The following SYN3 variants were observed in gnomAD, a reference collection of about 807,000 sequenced individuals.
SYN3 encodes the protein synapsin III.
In SYN3, 35 loss-of-function variants were observed where a neutral mutation model predicts 65.8. That is an observed-to-expected ratio of 0.53 (90% CI 0.41 to 0.70). The LOEUF (loss-of-function observed/expected upper bound fraction) is 0.70. Ranked by LOEUF, SYN3 falls within the 30% of genes least tolerant of loss-of-function variation. The pLI, the probability that SYN3 is intolerant of heterozygous loss-of-function variation, is 0.00. For missense variants in SYN3, 680 were observed against 749.0 expected (o/e 0.91, Z 1.08); for synonymous variants, 270 against 292.9 (o/e 0.92, Z 0.80).
intron 1 of SYN3, among the ~76,000 whole-genome samples, chr22:33,048,891 C>T (rs531818726): frequency 1.3e-5 from 2 of 152,288 alleles, no homozygotes; most frequent in African/African-American, 4.8e-5. Flanking sequence ...ATTCCCTCTC[C>T]TTCACCCCAT....
intron 6 of SYN3, among the ~76,000 whole-genome samples, chr22:32,650,229 C>T (rs368848231): frequency 0.02 from 2,441 of 122,198 alleles, 158 homozygotes; most frequent in African/African-American, 0.071. Flanking sequence ...CTCTCTCTCT[C>T]TCTCCCTCCC....
intron 6 of SYN3, among the ~76,000 whole-genome samples, chr22:32,741,347 AT>A (rs71187210): frequency 0.028 from 2,753 of 98,654 alleles, 34 homozygotes; most frequent in African/African-American, 0.092. Flanking sequence ...CTAGAGCCCA[AT>A]TTTTTTTTTT....
intron 6 of SYN3, among the ~76,000 whole-genome samples, chr22:32,652,947 A>G (rs1472926775): frequency 6.6e-6 from 1 of 152,232 alleles, no homozygotes; most frequent in African/African-American, 2.4e-5. Context: ...GTCAATAAGA[A>G]TTTAATGTTC....
chr22:32,842,932 TC>T (rs1980649869), intron 6 of SYN3, among the ~76,000 whole-genome samples: 1 of 152,188 alleles, frequency 6.6e-6, no homozygotes, highest in South Asian at 2.1e-4. Flanking sequence ...TGGGAGCTTA[TC>T]AAGGGTCCTT....
chr22:32,524,661 C>T (rs130448), intron 12 of SYN3, among the ~76,000 whole-genome samples: 93,258 of 152,098 alleles, frequency 0.61, 29,032 homozygotes, highest in East Asian at 0.8. Flanking sequence ...ATACATATCA[C>T]GTCTTTTAGT....
At chr22:32,731,858 C>T (rs535651579) in intron 6 of SYN3, among the ~76,000 whole-genome samples, 1 of 152,268 alleles carries the variant, frequency 6.6e-6, no homozygotes, top group Admixed American at 6.5e-5. Context: ...GCTCTGAAAG[C>T]AGGCCACCTA....
chr22:32,937,607 G>C (rs2050808578), intron 3 of SYN3, among the ~76,000 whole-genome samples: 2 of 152,140 alleles, frequency 1.3e-5, no homozygotes, highest in Non-Finnish European at 2.9e-5. Flanking sequence ...GATTTTGTGA[G>C]AACTCTATAA....
chr22:33,039,489 C>T (rs909444333), intron 1 of SYN3, among the ~76,000 whole-genome samples: 6 of 151,482 alleles, frequency 4.0e-5, no homozygotes, highest in Non-Finnish European at 7.4e-5. Flanking sequence ...GATTCTCCTG[C>T]ATTCAAGCGA....
chr22:32,929,745 G>C (rs988338521), intron 4 of SYN3, among the ~76,000 whole-genome samples: 8 of 152,172 alleles, frequency 5.3e-5, no homozygotes, highest in Admixed American at 2.6e-4. Flanking sequence ...TTGTGGAGAG[G>C]GTCTACTGTT....
intron 6 of SYN3, among the ~76,000 whole-genome samples, chr22:32,654,561 T>A (rs1259618844): frequency 6.6e-6 from 1 of 152,110 alleles, no homozygotes; most frequent in Non-Finnish European, 1.5e-5. Context: ...CCTGGCTGGG[T>A]CACTCTTGGA....
chr22:32,542,632 G>A (rs563253702), intron 7 of SYN3, among the ~76,000 whole-genome samples: 38 of 84,738 alleles, frequency 4.5e-4, no homozygotes, highest in African/African-American at 1.3e-3. Context: ...TTGTGTGTAT[G>A]TGTGTGTGTG....
intron 6 of SYN3, among the ~76,000 whole-genome samples, chr22:32,637,473 CT>C (rs759264100): frequency 6.7e-4 from 102 of 152,072 alleles, no homozygotes; most frequent in Non-Finnish European, 1.1e-3. Flanking sequence ...TTGTTGTTTG[CT>C]TTTCTTTTTC....
At chr22:32,897,790 G>A (rs1468353154) in intron 4 of SYN3, among the ~76,000 whole-genome samples, 1 of 152,144 alleles carries the variant, frequency 6.6e-6, no homozygotes, top group East Asian at 1.9e-4. Flanking sequence ...TATTTTATTT[G>A]TTTTGTGATT....
intron 3 of SYN3, among the ~76,000 whole-genome samples, chr22:32,977,923 G>A (rs188414053): frequency 2.6e-5 from 4 of 152,058 alleles, no homozygotes; most frequent in African/African-American, 4.8e-5. Context: ...CATGCAAATC[G>A]TCCCACTCAA....
chr22:32,840,620 G>A lies in SYN3; in HGVS notation c.711+24295C>T, dbSNP rs535217856. ...CGGCTGTGATTCTGCCTCACTTCCA[G>A]CTGCTCTCCTTACCGCCGCCCCCTC... On this transcript the variant is annotated intron_variant, in intron 6 of 13. Transcript: ENST00000358763. Among the ~76,000 whole-genome samples the A allele has an allele frequency of 2.0e-5, 3 of 152,028 alleles. No homozygotes were observed. The East Asian group carries it at 5.8e-4, about 30-fold the overall frequency.
At chr22:32,587,222 CA>C (rs11341864) in intron 7 of SYN3, among the ~76,000 whole-genome samples, 24,967 of 84,990 alleles carry the variant, frequency 0.29, 2,376 homozygotes, top group South Asian at 0.37. Context: ...GCTCTTATCT[CA>C]AAAAAAAAAA....
At chr22:32,948,137 T>A (rs2051168855) in intron 3 of SYN3, among the ~76,000 whole-genome samples, 2 of 152,212 alleles carry the variant, frequency 1.3e-5, no homozygotes, top group African/African-American at 4.8e-5. Flanking sequence ...CACATCTCCA[T>A]CTCCAGTATG....
At chr22:32,784,155 A>G (rs1271068184) in intron 6 of SYN3, among the ~76,000 whole-genome samples, 1 of 152,180 alleles carries the variant, frequency 6.6e-6, no homozygotes, top group Non-Finnish European at 1.5e-5. Flanking sequence ...GGGTGAGCCA[A>G]CGTGGCTCCC....
intron 6 of SYN3, among the ~76,000 whole-genome samples, chr22:32,674,396 A>T (rs1265357634): frequency 6.6e-6 from 1 of 152,198 alleles, no homozygotes; most frequent in Non-Finnish European, 1.5e-5. Flanking sequence ...ATCTGCCACC[A>T]GAATGTTCAT....
Sources: allele counts gnomAD v4.1 joint callset (sites outside exome capture counted in the v4.1 genomes callset), GRCh38; gene constraint gnomAD v4.1.1; transcripts MANE v1.5; gene names NCBI Gene and HGNC (gene_info 2026-07-23, HGNC 2026-07-21).